Variants in PRR16 observed in about 807,000 individuals in gnomAD.
PRR16 encodes protein Largen.
PRR16 carries 6 observed loss-of-function variants against 18.2 expected under a neutral mutation model. The ratio of observed to expected loss-of-function variants is 0.33; its 90% confidence interval spans 0.18 to 0.65. The LOEUF (loss-of-function observed/expected upper bound fraction) is 0.65. Among genes scored for constraint, PRR16 ranks in the 30% least tolerant of loss-of-function variants. The pLI is 0.74. For synonymous variants in PRR16, 151 were observed against 147.8 expected, an observed-to-expected ratio of 1.02 and a Z score of -0.16; for missense variants, 412 against 376.6, an observed-to-expected ratio of 1.09 and a Z score of -0.78.
chr5:120,710,025 T>G, the PRR16 span, among the ~76,000 whole-genome samples: 1 of 152,182 alleles, frequency 6.6e-6, no homozygotes, highest in Non-Finnish European at 1.5e-5. Flanking sequence ...GGTAGTTCTA[T>G]TTTTAGTTTT....
At chr5:120,767,089 G>C in the PRR16 span, among the ~76,000 whole-genome samples, 18 of 151,926 alleles carry the variant, frequency 1.2e-4, 1 homozygote, top group South Asian at 3.7e-3. Flanking sequence ...TAAATTTTGG[G>C]AACAGATGGT....
intron 1 of PRR16, among the ~76,000 whole-genome samples, chr5:120,526,396 T>C (rs1025246523): frequency 5.3e-5 from 8 of 152,200 alleles, no homozygotes; most frequent in African/African-American, 1.7e-4. Flanking sequence ...TTAAATATAA[T>C]TGCATGCCAT....
At chr5:120,736,666 G>T in the PRR16 span, among the ~76,000 whole-genome samples, 2 of 145,392 alleles carry the variant, frequency 1.4e-5, no homozygotes, top group African/African-American at 2.5e-5. Flanking sequence ...TGAATGTATA[G>T]ATCACTTTGA....
At chr5:120,539,605 C>T (rs1751842764) in intron 1 of PRR16, among the ~76,000 whole-genome samples, 1 of 151,894 alleles carries the variant, frequency 6.6e-6, no homozygotes, top group African/African-American at 2.4e-5. Context: ...ATACCAAACC[C>T]CTGAGACATG....
the PRR16 span, among the ~76,000 whole-genome samples, chr5:120,768,823 C>T: frequency 1.8e-4 from 28 of 151,642 alleles, no homozygotes; most frequent in Non-Finnish European, 1.5e-5. Context: ...GATTCCTTTC[C>T]CCGCTTAGAC....
intron 1 of PRR16, among the ~76,000 whole-genome samples, chr5:120,489,720 G>A (rs551762693): frequency 1.6e-4 from 24 of 152,186 alleles, no homozygotes; most frequent in Admixed American, 2.6e-4. Flanking sequence ...TAGTTTGCTC[G>A]TTAGTTGATG....
chr5:120,784,033 AG>A, the PRR16 span, among the ~76,000 whole-genome samples: 2 of 152,170 alleles, frequency 1.3e-5, no homozygotes, highest in African/African-American at 4.8e-5. Flanking sequence ...GTAATTACAA[AG>A]GATATCTTTC....
the PRR16 span, among the ~76,000 whole-genome samples, chr5:120,701,128 C>T: frequency 6.6e-6 from 1 of 152,170 alleles, no homozygotes. Context: ...TTCTTGTGTG[C>T]TGGAGATGTG....
At chr5:120,551,460 A>G (rs925992842) in intron 1 of PRR16, among the ~76,000 whole-genome samples, 3 of 151,946 alleles carry the variant, frequency 2.0e-5, no homozygotes, top group African/African-American at 7.2e-5. Context: ...ATCGTCTATT[A>G]AATGTGGATA....
At chr5:120,704,588 C>T in the PRR16 span, among the ~76,000 whole-genome samples, 2 of 152,044 alleles carry the variant, frequency 1.3e-5, no homozygotes, top group Non-Finnish European at 2.9e-5. Context: ...CTTTGCTTTC[C>T]GTTATATACC....
intron 1 of PRR16, among the ~76,000 whole-genome samples, chr5:120,673,010 TC>T (rs1376875331): frequency 2.0e-5 from 3 of 152,190 alleles, no homozygotes; most frequent in Non-Finnish European, 4.4e-5. Flanking sequence ...GAGGCATGAG[TC>T]TGTTAAAATC....
intron 1 of PRR16, among the ~76,000 whole-genome samples, chr5:120,538,332 G>A (rs1026614984): frequency 1.6e-4 from 24 of 152,248 alleles, no homozygotes; most frequent in African/African-American, 5.3e-4. Context: ...AGAAAACATA[G>A]CATTTTCAGT....
intron 1 of PRR16, among the ~76,000 whole-genome samples, chr5:120,672,540 A>ATATG (rs143078150): frequency 2.4e-4 from 35 of 147,406 alleles, no homozygotes; most frequent in Non-Finnish European, 3.1e-4. Context: ...ATAGATATAT[A>ATATG]TGTGTGTGTG....
At chr5:120,680,970 G>T (rs945862529) in intron 1 of PRR16, among the ~76,000 whole-genome samples, 3 of 152,124 alleles carry the variant, frequency 2.0e-5, no homozygotes, top group African/African-American at 7.2e-5. Flanking sequence ...GCTTAAGAAA[G>T]ATTTGGACTA....
intron 1 of PRR16, among the ~76,000 whole-genome samples, chr5:120,561,177 T>C (rs976379896): frequency 6.6e-6 from 1 of 152,018 alleles, no homozygotes; most frequent in African/African-American, 2.4e-5. Context: ...GTTTGCTCTT[T>C]CATTTTTAGT....
chr5:120,667,173 C>G (rs1397077751), intron 1 of PRR16, among the ~76,000 whole-genome samples: 2 of 151,864 alleles, frequency 1.3e-5, no homozygotes, highest in African/African-American at 4.8e-5. Flanking sequence ...CAACTTCTTC[C>G]TGGTTTAGTC....
intron 1 of PRR16, among the ~76,000 whole-genome samples, chr5:120,619,795 A>G (rs1415339228): frequency 6.6e-6 from 1 of 152,200 alleles, no homozygotes; most frequent in Middle Eastern, 3.4e-3. Context: ...TTGAACATGC[A>G]CTTTGCACTA....
chr5:120,776,011 G>A, the PRR16 span, among the ~76,000 whole-genome samples: 2 of 151,866 alleles, frequency 1.3e-5, no homozygotes, highest in Non-Finnish European at 2.9e-5. Flanking sequence ...TCTTCCTACT[G>A]TCTACATGGT....
At chr5:120,640,135 TA>T (rs1453886875) in intron 1 of PRR16, among the ~76,000 whole-genome samples, 8 of 152,088 alleles carry the variant, frequency 5.3e-5, no homozygotes, top group African/African-American at 9.6e-5. Context: ...TAGGAACTAC[TA>T]GAGGGGGTAG....
Sources: allele counts gnomAD v4.1 joint callset (sites outside exome capture counted in the v4.1 genomes callset), GRCh38; gene constraint gnomAD v4.1.1; transcripts MANE v1.5; gene names NCBI Gene and HGNC (gene_info 2026-07-23, HGNC 2026-07-21).